The following PLAA variants were observed in gnomAD, a reference collection of about 807,000 sequenced individuals.
The protein encoded by PLAA is phospholipase A-2-activating protein.
PLAA carries 48 observed loss-of-function variants against 84.1 expected under a neutral mutation model. That is an observed-to-expected ratio of 0.57 (90% CI 0.45 to 0.73). PLAA has a LOEUF of 0.73. PLAA is among the 30% of genes least tolerant of loss of function. The pLI is 0.00. For synonymous variants in PLAA, 392 were observed against 336.6 expected (o/e 1.16, Z -1.80); for missense variants, 903 against 954.7 (o/e 0.95, Z 0.71).
chr9:26,914,213 G>C (rs1168661612), intron 10 of PLAA, among the ~76,000 whole-genome samples: 1 of 152,120 alleles, frequency 6.6e-6, no homozygotes, highest in African/African-American at 2.4e-5. Context: ...GGATTGGAGA[G>C]AAATAAAAGT....
intron 1 of PLAA, among the ~76,000 whole-genome samples, chr9:26,942,257 C>T (rs889312070): frequency 6.6e-6 from 1 of 152,130 alleles, no homozygotes; most frequent in Non-Finnish European, 1.5e-5. Context: ...CTAAAGGATA[C>T]TGACAATAAA....
In PLAA at chr9:26,931,947, C is replaced by T. The variant is rs997046908; in HGVS notation, c.343+3066G>A. ...TAAAACTACAAAAAACTTAGCTGGG[C>T]GTGGTGGTGGGCACCTGTAATCCCA... is the stretch of plus-strand genomic sequence containing the variant. On this transcript the variant is annotated intron_variant, in intron 2 of 13. Transcript: ENST00000397292. 5.3e-5 allele frequency among the ~76,000 whole-genome samples: 8 copies of T among 152,156 alleles called. No homozygotes were observed. In the South Asian group the frequency reaches 1.0e-3, roughly 20 times the overall value.
At chr9:26,941,870 A>C (rs950162293) in intron 1 of PLAA, among the ~76,000 whole-genome samples, 2 of 152,166 alleles carry the variant, frequency 1.3e-5, no homozygotes, top group Non-Finnish European at 2.9e-5. Flanking sequence ...GAATTAATTG[A>C]AGAACATTTC....
rs762130018 is a variant in PLAA at position 26,947,028 on chromosome 9, G to A, written c.18C>T (p.Thr6=). The change falls in exon 1 of 14, where the codon ACC becomes ACT. Residue 6 remains threonine (T), a synonymous_variant. Coordinates refer to ENST00000397292, the MANE Select transcript of PLAA (RefSeq NM_001031689.3). The stretch of plus-strand genomic sequence containing the variant: ...GGAGCGAGCAGCTCAGCCGGTACCT[G>A]GTTGCGCCGCTCGTCATGGCCAGTG... MTSGA[T]RYRLSCSLRG... 23 of 1,587,396 alleles carry A rather than the reference G, an allele frequency of 1.4e-5. No homozygotes were observed. In the South Asian group the frequency reaches 2.0e-4, roughly 14 times the overall value.
chr9:26,914,963 A>G (rs1348004045), intron 10 of PLAA, among the ~76,000 whole-genome samples: 2 of 152,146 alleles, frequency 1.3e-5, no homozygotes, highest in Non-Finnish European at 1.5e-5. Flanking sequence ...CTGTAAACCC[A>G]GCACTTTGGG....
At chr9:26,910,058 A>G (rs1824353958) in intron 12 of PLAA, among the ~76,000 whole-genome samples, 1 of 152,228 alleles carries the variant, frequency 6.6e-6, no homozygotes, top group African/African-American at 2.4e-5. Context: ...TGAAAACATT[A>G]AGAGCCTGGG....
chr9:26,908,640 T>C (rs950635857), intron 12 of PLAA, among the ~76,000 whole-genome samples: 5 of 152,110 alleles, frequency 3.3e-5, no homozygotes, highest in African/African-American at 1.2e-4. Context: ...AATTTTTGTA[T>C]TTTTAGTAGA....
Position 26,913,335 on chromosome 9 carries a change from C to T in PLAA, c.1555+544G>A, listed in dbSNP as rs189490082. Among the ~76,000 whole-genome samples, 5 of 152,110 alleles carry T rather than the reference C, an allele frequency of 3.3e-5. No homozygotes were observed. In the East Asian group the frequency reaches 9.6e-4, roughly 29 times the overall value. On this transcript the variant is annotated intron_variant, in intron 11 of 13. Coordinates refer to ENST00000397292, the MANE Select transcript of PLAA (RefSeq NM_001031689.3). ...CAAGTGAGGTATGTCAGACTGTAGACTAGGTAACTAAGGATTAAAAAAAAA... is the reference window on the plus strand; with the variant it reads ...CAAGTGAGGTATGTCAGACTGTAGATTAGGTAACTAAGGATTAAAAAAAAA...
rs1824168028 is a variant in PLAA, at chr9:26,904,441, A to G, written c.*1070T>C. 6.6e-6 allele frequency: 1 copy of G among 152,164 alleles called. No homozygotes were observed. Among genetic ancestry groups the G allele is most frequent in the African/African-American group, 2.4e-5 (1 of 41,448 alleles). The allele number at this position is 152,164 out of a possible 1,614,324, so 9.4% of individuals were successfully genotyped here. ...GTGTTAATTGCTAGGATGTTCACACACATCTGTGATCTCTCTAGAAAGTAT... is the reference window on the plus strand; with the variant it reads ...GTGTTAATTGCTAGGATGTTCACACGCATCTGTGATCTCTCTAGAAAGTAT... On this transcript the variant is annotated 3_prime_UTR_variant, in exon 14 of 14. Transcript: ENST00000397292.
At chr9:26,927,292 T>C (rs1258664012) in intron 4 of PLAA, among the ~76,000 whole-genome samples, 4 of 151,922 alleles carry the variant, frequency 2.6e-5, no homozygotes, top group Non-Finnish European at 5.9e-5. Flanking sequence ...GGCGAATTTT[T>C]TTGTATTTCT....
chr9:26,915,673 T>G (rs746834852), intron 10 of PLAA: 6 of 978,842 alleles, frequency 6.1e-6, no homozygotes, highest in Non-Finnish European at 7.3e-6. Flanking sequence ...TCAATTATCC[T>G]GATACCCTAA....
intron 12 of PLAA, among the ~76,000 whole-genome samples, chr9:26,909,887 G>C (rs894209957): frequency 2.6e-5 from 4 of 152,198 alleles, no homozygotes; most frequent in African/African-American, 9.6e-5. Flanking sequence ...GCCTCCCAAA[G>C]TGCTGGGATT....
Position 26,947,210 on chromosome 9 carries a change from C to A in PLAA, c.-165G>T, listed in dbSNP as rs1218791182. 6.5e-6 allele frequency: 5 copies of A among 767,872 alleles called. No homozygotes were observed. Among genetic ancestry groups the A allele is most frequent in the Non-Finnish European group, 7.8e-6 (4 of 510,320 alleles). 47.6% of individuals were successfully genotyped at this position (767,872 alleles called of 1,614,324 possible). A position where few individuals can be genotyped will look rare whatever the true frequency, so the allele number is the denominator to read the frequency against. ...GTACGGAAGGGCGGCTGGGAAGGGG[C>A]GCGCCGAGCGGGCCGAGTGACACAG... On this transcript the variant is annotated 5_prime_UTR_variant, in exon 1 of 14. Transcript: ENST00000397292.
intron 5 of PLAA, 96 bp downstream of exon 5, chr9:26,926,297 T>C (rs1044306375): frequency 2.6e-6 from 2 of 759,626 alleles, no homozygotes; most frequent in African/African-American, 1.7e-5. Context: ...TCATAGATAG[T>C]AAATTAAGTA....
At chr9:26,910,924 CTTT>C (rs1215332196) in intron 11 of PLAA, among the ~76,000 whole-genome samples, 6 of 152,268 alleles carry the variant, frequency 3.9e-5, no homozygotes, top group Admixed American at 3.3e-4. Flanking sequence ...CTGATCTCTC[CTTT>C]TATGTCTTTT....
chr9:26,908,911 T>C (rs1355776520), intron 12 of PLAA, among the ~76,000 whole-genome samples: 2 of 152,220 alleles, frequency 1.3e-5, no homozygotes, highest in Non-Finnish European at 2.9e-5. Flanking sequence ...GTCAATGAAA[T>C]AGTCAAAGAG....
chr9:26,919,509 T>C lies in PLAA; in HGVS notation c.1218A>G (p.Ser406=), dbSNP rs1448386854. 6.3e-7 allele frequency: 1 copy of C among 1,597,442 alleles called. No individual in the cohort carries two copies. The change falls in exon 9 of 14, where the codon TCA becomes TCG. Residue 406 remains serine (S), a synonymous_variant. Transcript: ENST00000397292. ...ATGGTCCACCTTCATTGACATCAAT[T>C]GAGAAAACATAATCAAATTCCTAAA... ...YEGKEFDYVF[S]IDVNEGGPSY... is the part of the protein sequence containing the mutation.
chr9:26,918,288 A>ATTTTTTTTTT (rs1185916022), intron 9 of PLAA, among the ~76,000 whole-genome samples: 15 of 95,716 alleles, frequency 1.6e-4, no homozygotes, highest in East Asian at 3.2e-4. Flanking sequence ...AATTTTTTGT[A>ATTTTTTTTTT]TTTTTTTTTT....
At chr9:26,915,704 G>A (rs1280901036) in intron 10 of PLAA, 2 of 984,192 alleles carry the variant, frequency 2.0e-6, no homozygotes, top group Non-Finnish European at 2.4e-6. Context: ...CATTGTGTAT[G>A]CTATCTTGCA....
Sources: gnomAD v4.1 joint callset for allele counts (sites outside exome capture counted in the v4.1 genomes callset) on GRCh38, gnomAD v4.1.1 for gene constraint, MANE v1.5 for transcripts, NCBI Gene and HGNC (gene_info 2026-07-23, HGNC 2026-07-21) for gene names.